Variants in SOX6 observed in about 807,000 individuals in gnomAD.
SOX6 encodes SRY-box transcription factor 6, also known as transcription factor SOX-6.
In SOX6, 11 loss-of-function variants were observed where a neutral mutation model predicts 97.8. The observed-to-expected ratio is 0.11, with a 90% CI of 0.07 to 0.19. The LOEUF (loss-of-function observed/expected upper bound fraction) is 0.19, where lower values mean the gene tolerates loss of function less well. SOX6 is among the 10% of genes least tolerant of loss of function. The probability of loss-of-function intolerance (pLI) is 1.00; values close to 1 mark genes in which losing one functional copy is unlikely to be tolerated. For synonymous variants in SOX6, 360 were observed against 371.4 expected (o/e 0.97, Z 0.35); for missense variants, 810 against 1,039.5 (o/e 0.78, Z 3.04).
rs1853319827 is a variant in SOX6, at chr11:15,971,743, G to GT, written c.*1065_*1066insA. On this transcript the variant is annotated 3_prime_UTR_variant, in exon 16 of 16. Coordinates refer to ENST00000683767, the MANE Select transcript of SOX6 (RefSeq NM_001367873.1). ...AATCACTATGTACACAGGAGAAGGA[G>GT]GTGAAAAGGACGGAAAAGTTCTTCG... 1 of 152,468 alleles carries GT rather than the reference G, an allele frequency of 6.6e-6. No individual in the cohort carries two copies. The highest frequency in any genetic ancestry group is 6.6e-5 in the Admixed American group (1 of 15,264). 9.4% of individuals were successfully genotyped at this position (152,468 alleles called of 1,614,324 possible).
chr11:16,322,735 G>A (rs747100395), intron 2 of SOX6, among the ~76,000 whole-genome samples: 12 of 152,108 alleles, frequency 7.9e-5, no homozygotes, highest in Non-Finnish European at 1.6e-4. Flanking sequence ...TTTGAATACT[G>A]ATGAACAACC....
chr11:16,346,079 A>T (rs1226565514), intron 1 of SOX6, among the ~76,000 whole-genome samples: 2 of 152,044 alleles, frequency 1.3e-5, no homozygotes, highest in African/African-American at 2.4e-5. Context: ...TGTTCTACTT[A>T]TTCAAAAAAA....
intron 1 of SOX6, among the ~76,000 whole-genome samples, chr11:16,343,007 T>C (rs558099230): frequency 6.6e-6 from 1 of 151,992 alleles, no homozygotes; most frequent in South Asian, 2.1e-4. Context: ...AAGAGTGCTA[T>C]ATCAATAAAT....
intron 1 of SOX6, among the ~76,000 whole-genome samples, chr11:16,444,186 G>T (rs1028402999): frequency 6.6e-6 from 1 of 151,696 alleles, no homozygotes; most frequent in African/African-American, 2.4e-5. Flanking sequence ...AAATCCCTTT[G>T]CCATCAAAAG....
At chr11:16,594,566 A>G (rs970669813) in intron 4 of SOX6, among the ~76,000 whole-genome samples, 1 of 152,098 alleles carries the variant, frequency 6.6e-6, no homozygotes, top group Non-Finnish European at 1.5e-5. Context: ...TTAAGTCTCC[A>G]GAGTCAAGGG....
chr11:16,316,705 TG>T (rs1855767037), intron 3 of SOX6: 1 of 152,144 alleles, frequency 6.6e-6, no homozygotes, highest in Non-Finnish European at 1.5e-5. Flanking sequence ...CAAAGTATTT[TG>T]AAAACCACTT....
chr11:16,091,229 T>C (rs1026029107), intron 9 of SOX6, among the ~76,000 whole-genome samples: 1 of 152,110 alleles, frequency 6.6e-6, no homozygotes, highest in African/African-American at 2.4e-5. Context: ...ATGCATTCTC[T>C]TCAAAGCAGA....
intron 3 of SOX6, among the ~76,000 whole-genome samples, chr11:16,668,969 C>T (rs540911308): frequency 3.9e-5 from 6 of 152,324 alleles, no homozygotes; most frequent in Non-Finnish European, 8.8e-5. Context: ...ATGCTTTCAG[C>T]ACTGAACAAA....
intron 11 of SOX6, 187 bp downstream of exon 11, chr11:16,049,568 A>G (rs1564926084): frequency 4.4e-6 from 3 of 682,208 alleles, no homozygotes; most frequent in Non-Finnish European, 7.4e-6. Context: ...CAGGATTTAT[A>G]TTATGACCTT....
At chr11:16,362,733 A>C (rs1857240926) in intron 1 of SOX6, among the ~76,000 whole-genome samples, 1 of 152,150 alleles carries the variant, frequency 6.6e-6, no homozygotes, top group Admixed American at 6.6e-5. Context: ...CACAGAGTAA[A>C]TAAAAACGCC....
chr11:16,349,715 AGAAGGAAGGAAGGAAG>A (rs545842880), intron 1 of SOX6, among the ~76,000 whole-genome samples: 35 of 41,762 alleles, frequency 8.4e-4, no homozygotes, highest in African/African-American at 2.9e-3. Flanking sequence ...GAAGGAAGGA[AGAAGGAAGGAAGGAAG>A]GAAGGAAGGA....
At chr11:16,196,402 C>T (rs892396909) in intron 4 of SOX6, among the ~76,000 whole-genome samples, 1 of 152,238 alleles carries the variant, frequency 6.6e-6, no homozygotes, top group Non-Finnish European at 1.5e-5. Context: ...CTTTACCCAA[C>T]AGACAATGTA....
intron 6 of SOX6, among the ~76,000 whole-genome samples, chr11:16,125,093 C>A (rs1049067129): frequency 9.9e-5 from 15 of 151,994 alleles, no homozygotes; most frequent in African/African-American, 3.4e-4. Context: ...GATTGACTGA[C>A]TAAAATATGA....
At chr11:16,040,550 G>C (rs548832695) in intron 12 of SOX6, among the ~76,000 whole-genome samples, 1 of 151,674 alleles carries the variant, frequency 6.6e-6, no homozygotes, top group African/African-American at 2.4e-5. Context: ...AAACACTATC[G>C]CAAGTATAAA....
chr11:16,063,277 G>A (rs1426637676), intron 9 of SOX6, among the ~76,000 whole-genome samples: 1 of 151,016 alleles, frequency 6.6e-6, no homozygotes, highest in African/African-American at 2.4e-5. Flanking sequence ...ACCCAAAGCA[G>A]TAGGTCCTAC....
intron 1 of SOX6, among the ~76,000 whole-genome samples, chr11:16,399,394 C>G (rs534752122): frequency 2.7e-5 from 4 of 149,708 alleles, no homozygotes; most frequent in Non-Finnish European, 5.9e-5. Flanking sequence ...GGGTCTCACT[C>G]TATTGACCAA....
intron 4 of SOX6, among the ~76,000 whole-genome samples, chr11:16,519,080 C>T (rs1210709016): frequency 6.6e-6 from 1 of 152,128 alleles, no homozygotes; most frequent in East Asian, 1.9e-4. Flanking sequence ...TCCACTAGTA[C>T]ATGTCCCAGT....
At chr11:16,534,848 A>C (rs1028078045) in intron 4 of SOX6, among the ~76,000 whole-genome samples, 1 of 152,172 alleles carries the variant, frequency 6.6e-6, no homozygotes, top group African/African-American at 2.4e-5. Context: ...CCTTGATGCC[A>C]TATCCTTTTC....
intron 6 of SOX6, among the ~76,000 whole-genome samples, chr11:16,145,423 C>T (rs546781675): frequency 5.3e-4 from 81 of 152,276 alleles, no homozygotes; most frequent in Non-Finnish European, 9.0e-4. Flanking sequence ...TGGAAGCATT[C>T]CCTTTGAAAA....
Sources: allele counts gnomAD v4.1 joint callset (sites outside exome capture counted in the v4.1 genomes callset), GRCh38; gene constraint gnomAD v4.1.1; transcripts MANE v1.5; gene names NCBI Gene and HGNC (gene_info 2026-07-23, HGNC 2026-07-21).